The following C4orf50 variants were observed in gnomAD, a reference collection of about 807,000 sequenced individuals.
C4orf50 encodes the protein chromosome 4 open reading frame 50, also known as uncharacterized protein C4orf50.
A neutral mutation model predicts 77.2 loss-of-function variants in C4orf50; 80 were observed. The ratio of observed to expected loss-of-function variants is 1.04; its 90% CI spans 0.87 to 1.25. The LOEUF (loss-of-function observed/expected upper bound fraction) is 1.25, where lower values mean the gene tolerates loss of function less well. C4orf50 is among the 50% of genes most tolerant of loss of function. The probability of loss-of-function intolerance (pLI) is 0.00; values close to 1 mark genes in which losing one functional copy is unlikely to be tolerated. For synonymous variants in C4orf50, 532 were observed against 465.3 expected (o/e 1.14, Z -1.84); for missense variants, 1,257 against 1,152.9 (o/e 1.09, Z -1.31).
intron 7 of C4orf50, among the ~76,000 whole-genome samples, chr4:5,942,262 G>A (rs1718299048): frequency 6.6e-6 from 1 of 152,202 alleles, no homozygotes; most frequent in Admixed American, 6.5e-5. Context: ...AATCTGGTTT[G>A]CTTAGAGCTA....
chr4:5,925,115 G>A (rs117061755), intron 7 of C4orf50, among the ~76,000 whole-genome samples: 1 of 152,316 alleles, frequency 6.6e-6, no homozygotes, highest in East Asian at 1.9e-4. Flanking sequence ...TGGGCCACTT[G>A]GGTTGGGAGG....
intron 7 of C4orf50, among the ~76,000 whole-genome samples, chr4:5,924,613 C>T (rs1010236539): frequency 6.6e-5 from 10 of 152,184 alleles, no homozygotes; most frequent in African/African-American, 1.2e-4. Context: ...GAACCCAGGG[C>T]GGGCCTGGAG....
At chr4:5,915,408 T>C (rs1456261735) in intron 7 of C4orf50, among the ~76,000 whole-genome samples, 1 of 152,248 alleles carries the variant, frequency 6.6e-6, no homozygotes. Context: ...CCCAGTTCCT[T>C]TCTCCTTTGT....
At chr4:5,985,747 C>A (rs1467275969) in intron 28 of C4orf50, among the ~76,000 whole-genome samples, 1 of 152,138 alleles carries the variant, frequency 6.6e-6, no homozygotes, top group Non-Finnish European at 1.5e-5. Flanking sequence ...GCCAGTGGAT[C>A]ACCTGAGGTC....
rs1032896801 is a variant in C4orf50 at position 5,992,644 on chromosome 4, C to G, written c.1221+159G>C. Among the ~76,000 whole-genome samples, 4 of 151,546 alleles carry G rather than the reference C, an allele frequency of 2.6e-5. No homozygotes were observed. Among genetic ancestry groups the G allele is most frequent in the African/African-American group, 9.7e-5 (4 of 41,274 alleles). On this transcript the variant is annotated intron_variant, in intron 27 of 33. Coordinates refer to ENST00000531445, the Ensembl canonical transcript of C4orf50. This position sits in a 1 kb window ranked among gnomAD's most constrained non-coding sequence, Gnocchi z 5.0. ...CAGGTCTCAGGATGTTTCATTTCCT[C>G]TCCTCAAATCTCTCTCTCAACTACT...
At chr4:5,921,092 G>A (rs1031338647) in intron 7 of C4orf50, among the ~76,000 whole-genome samples, 7 of 152,208 alleles carry the variant, frequency 4.6e-5, no homozygotes, top group Non-Finnish European at 1.5e-5. Context: ...GCTGGTCCAG[G>A]AAGAGCCAGG....
intron 7 of C4orf50, chr4:5,904,802 C>T (rs1019731572): frequency 6.6e-6 from 1 of 152,206 alleles, no homozygotes; most frequent in Non-Finnish European, 1.5e-5. Context: ...TCTTCAGCAG[C>T]TCTATAATAT....
intron 7 of C4orf50, chr4:5,898,689 AAAAAG>A (rs1249535358): frequency 6.6e-6 from 1 of 152,222 alleles, no homozygotes; most frequent in Admixed American, 6.5e-5. Context: ...ACACGACTTT[AAAAAG>A]AAAATACTGA....
rs1718589471 is a variant in C4orf50, at chr4:5,948,663, CAT to C, written c.*2474+8236_*2474+8237del. Among the ~76,000 whole-genome samples the C allele has an allele frequency of 3.3e-5, 5 of 152,218 alleles. No homozygotes were observed. In the South Asian group the frequency reaches 1.0e-3, roughly 32 times the overall value. ...ACAAAAAATTAGCCGGGTGTGGTGCCATGCACCTGTAGTCCCAGCTACTCAGG... is the reference window on the plus strand; with the variant it reads ...ACAAAAAATTAGCCGGGTGTGGTGCCGCACCTGTAGTCCCAGCTACTCAGG... On this transcript the variant is annotated intron_variant, in intron 7 of 7. Transcript: ENST00000324058.
intron 25 of C4orf50, among the ~76,000 whole-genome samples, chr4:6,003,764 A>AGTGATGATGGTGATGATGGTGATG (rs1721967809): frequency 2.6e-4 from 4 of 15,636 alleles, no homozygotes; most frequent in Non-Finnish European, 4.6e-4. Context: ...ATGATGTGAT[A>AGTGATGATGGTGATGATGGTGATG]GTGATGATGG....
At chr4:6,006,900 A>G (rs1331662935) in intron 25 of C4orf50, among the ~76,000 whole-genome samples, 1 of 152,210 alleles carries the variant, frequency 6.6e-6, no homozygotes, top group Non-Finnish European at 1.5e-5. Flanking sequence ...CAAGCACAGA[A>G]TTGCCACCAG....
rs1222951058 is a variant in C4orf50, at chr4:6,015,494, G to A, written c.287+2651C>T. On this transcript the variant is annotated intron_variant, in intron 23 of 33. Transcript: ENST00000531445. The surrounding 1 kb of genome is among the most constrained non-coding windows in gnomAD (Gnocchi z 4.4). ...TAAGTCACCCAGGTCTGCAAATAATGCCATTTCATTATAATGTTGATGAGA... is the reference window on the plus strand; with the variant it reads ...TAAGTCACCCAGGTCTGCAAATAATACCATTTCATTATAATGTTGATGAGA... Among the ~76,000 whole-genome samples, 1 of 141,964 alleles carries A rather than the reference G, an allele frequency of 7.0e-6. No homozygotes were observed. The highest frequency in any genetic ancestry group is 1.5e-5 in the Non-Finnish European group (1 of 65,822). The allele number at this position is 141,964 out of a possible 152,430, so 93.1% of individuals were successfully genotyped here.
chr4:6,000,088 C>T lies in C4orf50; in HGVS notation c.964-5612G>A, dbSNP rs1251998924. Among the ~76,000 whole-genome samples, 2 of 152,164 alleles carry T rather than the reference C, an allele frequency of 1.3e-5. No individual in the cohort carries two copies. Among genetic ancestry groups the T allele is most frequent in the South Asian group, 2.1e-4 (1 of 4,816 alleles). ...GTGCTTATGGAGGGAGATCCTTTGA[C>T]AGTCACCACTGTTGTCCAGAGCAAG... On this transcript the variant is annotated intron_variant, in intron 25 of 33. Transcript: ENST00000531445. The surrounding 1 kb of genome is among the most constrained non-coding windows in gnomAD (Gnocchi z 6.0).
chr4:5,967,959 C>T (rs1026510605), intron 31 of C4orf50, among the ~76,000 whole-genome samples: 2 of 152,166 alleles, frequency 1.3e-5, no homozygotes, highest in Admixed American at 6.5e-5. Flanking sequence ...ACTGGTTGGC[C>T]GACGGCCCCC....
At chr4:5,990,617 A>T in exon 28 of C4orf50, 1 of 399,102 alleles carries the variant, frequency 2.5e-6, no homozygotes, top group Non-Finnish European at 4.4e-6. Flanking sequence ...AGTGGTCGCC[A>T]AGAAGCGGAG....
chr4:5,965,013 T>A lies in C4orf50; in HGVS notation c.4275+11A>T. On this transcript the variant is annotated intron_variant, in intron 33 of 33. Coordinates refer to ENST00000531445, the Ensembl canonical transcript of C4orf50. ...TTCATTTAGGAAATGAGGTGACAGG[T>A]GCCTTCTCACCTTCAGAGAATCCAG... is the stretch of plus-strand genomic sequence containing the variant. 6.2e-7 allele frequency: 1 copy of A among 1,607,496 alleles called. No individual in the cohort carries two copies.
At chr4:5,924,333 C>T (rs1717416134) in intron 7 of C4orf50, among the ~76,000 whole-genome samples, 1 of 152,210 alleles carries the variant, frequency 6.6e-6, no homozygotes, top group South Asian at 2.1e-4. Flanking sequence ...TCTGATTAAA[C>T]TGCAGGAGCT....
Position 6,015,763 on chromosome 4 carries a change from C to T in C4orf50, c.287+2382G>A, listed in dbSNP as rs938514456. ...TCTTCTCCAGGTCTAGAGCTGCATT[C>T]CTGGGCTCCTGGCCCTGCCTTCATC... On this transcript the variant is annotated intron_variant, in intron 23 of 33. Coordinates refer to ENST00000531445, the Ensembl canonical transcript of C4orf50. This position sits in a 1 kb window ranked among gnomAD's most constrained non-coding sequence, Gnocchi z 4.4. Among the ~76,000 whole-genome samples, 6 of 152,186 alleles carry T rather than the reference C, an allele frequency of 3.9e-5. No individual in the cohort carries two copies. Among genetic ancestry groups the T allele is most frequent in the Admixed American group, 6.5e-5 (1 of 15,290 alleles).
rs1459620450 is a variant in C4orf50 at position 5,916,415 on chromosome 4, C to T, written c.*2475-18227G>A. ...CCACAGAGAAGGCTGGGAGCCAGGA[C>T]CTGCCCCCAGAGCTCAGACCCCAGG... On this transcript the variant is annotated intron_variant, in intron 7 of 7. Coordinates refer to the C4orf50 transcript ENST00000324058. This position sits in a 1 kb window ranked among gnomAD's most constrained non-coding sequence, Gnocchi z 4.4. Among the ~76,000 whole-genome samples, 4 of 152,096 alleles carry T rather than the reference C, an allele frequency of 2.6e-5. No individual in the cohort carries two copies. The highest frequency in any genetic ancestry group is 9.7e-5 in the African/African-American group (4 of 41,384).
Sources: allele counts gnomAD v4.1 joint callset (sites outside exome capture counted in the v4.1 genomes callset), GRCh38; gene constraint gnomAD v4.1.1; non-coding constraint Gnocchi (gnomAD v3.1); transcripts MANE v1.5; gene names NCBI Gene and HGNC (gene_info 2026-07-23, HGNC 2026-07-21).